The following RECK variants were observed in gnomAD, a reference collection of about 807,000 sequenced individuals.
The protein encoded by RECK is reversion-inducing cysteine-rich protein with Kazal motifs.
A neutral mutation model predicts 115.1 loss-of-function variants in RECK; 69 were observed. The observed-to-expected ratio is 0.60, with a 90% confidence interval of 0.49 to 0.73. The LOEUF (loss-of-function observed/expected upper bound fraction) is 0.73, where lower values mean the gene tolerates loss of function less well. Ranked by LOEUF, RECK falls within the 30% of genes least tolerant of loss-of-function variation. RECK has a pLI of 0.00. For synonymous variants in RECK, 414 were observed against 419.7 expected (o/e 0.99, Z 0.17); for missense variants, 1,047 against 1,203.7 (o/e 0.87, Z 1.93).
At chr9:36,104,477 C>T (rs1823719744) in intron 12 of RECK, among the ~76,000 whole-genome samples, 1 of 147,392 alleles carries the variant, frequency 6.8e-6, no homozygotes, top group Admixed American at 6.8e-5. Context: ...TCCCGAGTAG[C>T]TGGCACATGC....
At chr9:36,066,242 T>A (rs1457625207) in intron 6 of RECK, among the ~76,000 whole-genome samples, 1 of 152,132 alleles carries the variant, frequency 6.6e-6, no homozygotes. Context: ...AGATTGTGCC[T>A]GATATGAAAA....
chr9:36,112,145 C>G (rs569561319), intron 15 of RECK, among the ~76,000 whole-genome samples, 160 bp from the exon 16 acceptor site: 32 of 119,638 alleles, frequency 2.7e-4, no homozygotes, highest in African/African-American at 9.4e-4. Flanking sequence ...AAAAAAAAAA[C>G]CCTGTCAGAG....
chr9:36,056,040 A>T (rs1259196255), intron 2 of RECK, among the ~76,000 whole-genome samples: 1 of 151,780 alleles, frequency 6.6e-6, no homozygotes, highest in East Asian at 1.9e-4. Context: ...GAAAATTTTA[A>T]GTATATACAA....
intron 11 of RECK, 61 bp downstream of exon 11, chr9:36,100,604 C>A: frequency 8.0e-7 from 1 of 1,255,104 alleles, no homozygotes; most frequent in Non-Finnish European, 1.1e-6. Context: ...TGATCTCTAG[C>A]CAGAGCCTCT....
chr9:36,058,937 G>T, intron 3 of RECK, 36 bp downstream of exon 3: 1 of 1,364,674 alleles, frequency 7.3e-7, no homozygotes, highest in South Asian at 1.8e-5. Flanking sequence ...AGAAGCTTCT[G>T]TCTAAATGAA....
intron 1 of RECK, among the ~76,000 whole-genome samples, chr9:36,042,555 C>G (rs992624338): frequency 6.6e-6 from 1 of 151,962 alleles, no homozygotes; most frequent in Non-Finnish European, 1.5e-5. Context: ...ACACATCTAC[C>G]ACATTTTCTT....
intron 6 of RECK, among the ~76,000 whole-genome samples, chr9:36,070,957 C>G (rs1016206532): frequency 6.6e-6 from 1 of 152,156 alleles, no homozygotes; most frequent in African/African-American, 2.4e-5. Context: ...TGTCCTTTGG[C>G]CTACCTAAAA....
intron 4 of RECK, 150 bp downstream of exon 4, chr9:36,060,305 C>T (rs1821705039): frequency 1.4e-6 from 1 of 708,338 alleles, no homozygotes; most frequent in East Asian, 2.7e-5. Flanking sequence ...TTTTCTAAGA[C>T]ACAGTCTTAC....
At chr9:36,069,316 G>A (rs1279210077) in intron 6 of RECK, among the ~76,000 whole-genome samples, 1 of 151,910 alleles carries the variant, frequency 6.6e-6, no homozygotes, top group Non-Finnish European at 1.5e-5. Flanking sequence ...GAGGCGGGTG[G>A]ATCACCTGAC....
chr9:36,087,483 G>T (rs1823010038), intron 8 of RECK, among the ~76,000 whole-genome samples: 1 of 152,136 alleles, frequency 6.6e-6, no homozygotes, highest in African/African-American at 2.4e-5. Context: ...ACACACCAGG[G>T]CCTGTCAGGG....
rs1564130806 is a variant in RECK at position 36,104,312 on chromosome 9, A to G, written c.1436-831A>G. On this transcript the variant is annotated intron_variant, in intron 12 of 20. Transcript: ENST00000377966. Reference sequence around the variant, plus strand: ...TGTGTGTATATATATATATATATATATATATATATATATATTTTTTTTTTT... The same window carrying G: ...TGTGTGTATATATATATATATATATGTATATATATATATATTTTTTTTTTT... Among the ~76,000 whole-genome samples, 13 of 66,084 alleles carry G rather than the reference A, an allele frequency of 2.0e-4. 2 individuals carry two copies. The highest frequency in any genetic ancestry group is 4.3e-4 in the African/African-American group (5 of 11,620). 43.4% of individuals were successfully genotyped at this position (66,084 alleles called of 152,430 possible).
At chr9:36,039,798 C>G (rs1005753352) in intron 1 of RECK, among the ~76,000 whole-genome samples, 1 of 152,170 alleles carries the variant, frequency 6.6e-6, no homozygotes, top group Non-Finnish European at 1.5e-5. Context: ...AAAGCAAACG[C>G]CTATCTGGAG....
At chr9:36,118,721 A>G (rs1223090388) in intron 17 of RECK, 36 bp from the exon 18 acceptor site, 1 of 1,597,510 alleles carries the variant, frequency 6.3e-7, no homozygotes, top group South Asian at 1.1e-5. Context: ...TACAACATAG[A>G]CATTTCCAGG....
chr9:36,065,228 T>TAAAAGAAA (rs1821941620), intron 5 of RECK, among the ~76,000 whole-genome samples: 1 of 50,542 alleles, frequency 2.0e-5, no homozygotes, highest in Non-Finnish European at 3.9e-5. Context: ...GGAATTCAGC[T>TAAAAGAAA]AAAAAAAAAA....
intron 9 of RECK, 76 bp downstream of exon 9, chr9:36,088,037 T>C (rs946601255): frequency 9.2e-7 from 1 of 1,081,612 alleles, no homozygotes; most frequent in African/African-American, 1.6e-5. Context: ...CTAGCAAACG[T>C]GTGTTATATT....
chr9:36,083,410 G>A lies in RECK; in HGVS notation c.485G>A (p.Arg162Gln), dbSNP rs372609725. ...CSYAGHHTNCREYCQAIFRTD... is the reference protein window; with the variant it reads ...CSYAGHHTNCQEYCQAIFRTD... ...TATGCAGGTCATCACACAAACTGCC[G>A]AGAATACTGTCAAGCCATTTTTCGA... The change falls in exon 8 of 21, where the codon CGA becomes CAA. Residue 162 changes from arginine (R) to glutamine (Q), a missense_variant. Physicochemically the swap from Arg to Gln is conservative, Grantham distance 43. Coordinates refer to ENST00000377966, the MANE Select transcript of RECK (RefSeq NM_021111.3). 43 of 1,613,948 alleles carry A rather than the reference G, an allele frequency of 2.7e-5. 2 individuals carry two copies. The highest frequency in any genetic ancestry group is 1.9e-4 in the South Asian group (17 of 91,062).
At chr9:36,057,200 A>T (rs923954905) in intron 2 of RECK, among the ~76,000 whole-genome samples, 1 of 152,008 alleles carries the variant, frequency 6.6e-6, no homozygotes, top group Non-Finnish European at 1.5e-5. Context: ...TTTTATGGAG[A>T]ATTTATGTGC....
intron 20 of RECK, among the ~76,000 whole-genome samples, chr9:36,122,094 G>C (rs750237200): frequency 3.3e-5 from 5 of 152,220 alleles, no homozygotes; most frequent in Non-Finnish European, 5.9e-5. Context: ...AGTCTCCTGA[G>C]AGCTGTGTGC....
intron 16 of RECK, 82 bp from the exon 17 acceptor site, chr9:36,116,903 C>T: frequency 2.7e-6 from 3 of 1,119,338 alleles, no homozygotes; most frequent in South Asian, 2.9e-5. Context: ...TCTTCAGCCT[C>T]CTATCCCTCA....
Sources: gnomAD v4.1 joint callset for allele counts (sites outside exome capture counted in the v4.1 genomes callset) on GRCh38, gnomAD v4.1.1 for gene constraint, MANE v1.5 for transcripts, NCBI Gene and HGNC (gene_info 2026-07-23, HGNC 2026-07-21) for gene names.